Variants in MRTFA observed in about 807,000 individuals in gnomAD.
MRTFA encodes the protein myocardin-related transcription factor A.
MRTFA carries 20 observed loss-of-function variants against 83.5 expected under a neutral mutation model. The observed-to-expected ratio is 0.24, with a 90% CI of 0.17 to 0.35. The LOEUF is 0.35. MRTFA is among the 10% of genes least tolerant of loss of function. The pLI is 1.00. For missense variants in MRTFA, 1,200 were observed against 1,224.7 expected, an observed-to-expected ratio of 0.98 and a Z score of 0.30; for synonymous variants, 659 against 541.2, an observed-to-expected ratio of 1.22 and a Z score of -3.02.
intron 1 of MRTFA, among the ~76,000 whole-genome samples, chr22:40,635,981 A>G (rs73887845): frequency 0.025 from 3,773 of 152,190 alleles, 161 homozygotes; most frequent in African/African-American, 0.086. Context: ...CTTGGCCATC[A>G]AGTTTCAGAT....
chr22:40,507,366 GA>G (rs1332447641), intron 3 of MRTFA, among the ~76,000 whole-genome samples: 4 of 144,948 alleles, frequency 2.8e-5, no homozygotes, highest in Non-Finnish European at 3.0e-5. Flanking sequence ...ATGTCAAAAA[GA>G]AAAAAAAAAG....
chr22:40,622,742 G>A (rs1294959090), intron 1 of MRTFA, among the ~76,000 whole-genome samples: 4 of 151,848 alleles, frequency 2.6e-5, no homozygotes, highest in Admixed American at 6.6e-5. Context: ...CCTGAATTTG[G>A]CTCAGTAAGA....
intron 2 of MRTFA, among the ~76,000 whole-genome samples, chr22:40,577,087 G>A (rs1376329135): frequency 6.6e-6 from 1 of 152,028 alleles, no homozygotes; most frequent in African/African-American, 2.4e-5. Context: ...GCCAGGCATT[G>A]TGGTGAGCAC....
intron 3 of MRTFA, among the ~76,000 whole-genome samples, chr22:40,511,531 G>A (rs1466747205): frequency 1.3e-5 from 2 of 152,234 alleles, no homozygotes; most frequent in South Asian, 2.1e-4. Context: ...ATTCTAAGAC[G>A]GGGAAAGGCA....
chr22:40,416,529 C>T lies in MRTFA; in HGVS notation c.2578+457G>A, dbSNP rs1460481242. Among the ~76,000 whole-genome samples the T allele has an allele frequency of 1.3e-5, 2 of 152,210 alleles. No homozygotes were observed. Among genetic ancestry groups the T allele is most frequent in the Non-Finnish European group, 2.9e-5 (2 of 68,032 alleles). On this transcript the variant is annotated intron_variant, in intron 14 of 14. Transcript: ENST00000355630. The surrounding 1 kb of genome is among the most constrained non-coding windows in gnomAD (Gnocchi z 4.2). ...TCTTCCCCTTTCCTCAACTCCACTC[C>T]AACCCGCCAGGTACTCCCGAGGCCG...
chr22:40,513,285 C>G (rs2054697875), intron 3 of MRTFA, among the ~76,000 whole-genome samples: 2 of 152,272 alleles, frequency 1.3e-5, no homozygotes, highest in African/African-American at 4.8e-5. Flanking sequence ...CACTAACACT[C>G]TTGGTTTGAG....
chr22:40,426,510 G>A (rs578252239), intron 7 of MRTFA, among the ~76,000 whole-genome samples: 12 of 152,248 alleles, frequency 7.9e-5, no homozygotes, highest in African/African-American at 2.4e-5. Context: ...GGTTTTTGCT[G>A]GCAAATGCTC....
chr22:40,631,015 C>T (rs1427406810), intron 1 of MRTFA, among the ~76,000 whole-genome samples: 1 of 152,168 alleles, frequency 6.6e-6, no homozygotes, highest in Non-Finnish European at 1.5e-5. Flanking sequence ...ATTCTACAGA[C>T]AGAGAGCCCA....
chr22:40,604,316 G>A (rs2056294074), intron 1 of MRTFA, among the ~76,000 whole-genome samples: 1 of 151,802 alleles, frequency 6.6e-6, no homozygotes, highest in South Asian at 2.1e-4. Flanking sequence ...ATTTTTGGTA[G>A]AGACAGGGTT....
rs185187279 is a variant in MRTFA at position 40,627,510 on chromosome 22, C to T, written c.-84+8968G>A. Among the ~76,000 whole-genome samples the T allele has an allele frequency of 9.3e-4, 142 of 152,200 alleles. 1 individual carries two copies. The Middle Eastern group carries it at 0.02, about 22-fold the overall frequency. On this transcript the variant is annotated intron_variant, in intron 1 of 14. Coordinates refer to ENST00000355630, the MANE Select transcript of MRTFA (RefSeq NM_020831.6). ...GCAACCAGATACATATAATGAATACCGCACAGAATATTTTCTGAGCTATAA... is the reference window on the plus strand; with the variant it reads ...GCAACCAGATACATATAATGAATACTGCACAGAATATTTTCTGAGCTATAA...
intron 3 of MRTFA, among the ~76,000 whole-genome samples, chr22:40,496,964 GA>G (rs1361249945): frequency 6.6e-6 from 1 of 152,210 alleles, no homozygotes; most frequent in Non-Finnish European, 1.5e-5. Flanking sequence ...TTTATGGTGG[GA>G]TTTGGCAAAG....
intron 2 of MRTFA, among the ~76,000 whole-genome samples, chr22:40,555,869 G>A (rs2055515050): frequency 6.6e-6 from 1 of 151,794 alleles, no homozygotes; most frequent in Admixed American, 6.6e-5. Flanking sequence ...TCGATCTCCT[G>A]ACCTCAAGAT....
intron 3 of MRTFA, among the ~76,000 whole-genome samples, chr22:40,519,998 A>G (rs2054834981): frequency 6.6e-6 from 1 of 152,236 alleles, no homozygotes. Context: ...CCTAGTGTAC[A>G]ATTCAAAGCG....
chr22:40,498,922 T>C (rs1485355832), intron 3 of MRTFA, among the ~76,000 whole-genome samples: 1 of 152,212 alleles, frequency 6.6e-6, no homozygotes, highest in Admixed American at 6.5e-5. Context: ...ACCAAATTTA[T>C]ACGGTTTTAG....
At chr22:40,539,173 A>T (rs1369531980) in intron 3 of MRTFA, among the ~76,000 whole-genome samples, 2 of 145,890 alleles carry the variant, frequency 1.4e-5, no homozygotes, top group East Asian at 2.1e-4. Context: ...TTTTATATAT[A>T]TTTTTAGTTG....
chr22:40,586,542 T>C (rs1354271819), intron 2 of MRTFA, among the ~76,000 whole-genome samples: 1 of 152,198 alleles, frequency 6.6e-6, no homozygotes, highest in East Asian at 1.9e-4. Context: ...TATGGCCTAA[T>C]TCCCCTGGAA....
intron 14 of MRTFA, 144 bp from the exon 15 acceptor site, chr22:40,412,051 A>C: frequency 3.4e-6 from 2 of 590,602 alleles, no homozygotes; most frequent in Non-Finnish European, 5.3e-6. Flanking sequence ...AAGAGCTAAG[A>C]CTATAAAACT....
At position 40,426,598 on chromosome 22, in the gene MRTFA, A is replaced by C. The variant is rs530547775; in HGVS notation, c.602-2217T>G. Among the ~76,000 whole-genome samples the C allele has an allele frequency of 3.3e-5, 5 of 152,180 alleles. No individual in the cohort carries two copies. The South Asian group carries it at 1.0e-3, about 32-fold the overall frequency. On this transcript the variant is annotated intron_variant, in intron 7 of 14. Transcript: ENST00000355630. ...ACAAGCTGTGTTCAGCCAGGCCTCC[A>C]AGCCACTGCCCATGCTGTTCCCTCT...
intron 4 of MRTFA, among the ~76,000 whole-genome samples, chr22:40,451,222 C>CA (rs2053480072): frequency 6.6e-6 from 1 of 152,080 alleles, no homozygotes. Context: ...AAAATGCCTA[C>CA]AAAAATCCTT....
Sources: allele counts gnomAD v4.1 joint callset (sites outside exome capture counted in the v4.1 genomes callset), GRCh38; gene constraint gnomAD v4.1.1; non-coding constraint Gnocchi (gnomAD v3.1); transcripts MANE v1.5; gene names NCBI Gene and HGNC (gene_info 2026-07-23, HGNC 2026-07-21).